The following TUSC3 variants were observed in gnomAD, a reference collection of about 807,000 sequenced individuals.
The protein encoded by TUSC3 is dolichyl-diphosphooligosaccharide--protein glycosyltransferase subunit TUSC3.
A neutral mutation model predicts 44.8 loss-of-function variants in TUSC3; 45 were observed. The ratio of observed to expected loss-of-function variants is 1.00; its 90% CI spans 0.79 to 1.29. The LOEUF (loss-of-function observed/expected upper bound fraction) is 1.29, where lower values mean the gene tolerates loss of function less well. Ranked by LOEUF, TUSC3 falls within the 50% of genes most tolerant of loss-of-function variation. TUSC3 has a pLI of 0.00. For missense variants in TUSC3, 519 were observed against 437.9 expected (o/e 1.19, Z -1.65); for synonymous variants, 212 against 152.9 (o/e 1.39, Z -2.85).
At chr8:15,680,864 T>C (rs1808398036) in intron 6 of TUSC3, among the ~76,000 whole-genome samples, 1 of 152,156 alleles carries the variant, frequency 6.6e-6, no homozygotes, top group African/African-American at 2.4e-5. Context: ...TTAATTATGT[T>C]TATGTGGTGT....
chr8:15,834,896 C>G, the TUSC3 span, among the ~76,000 whole-genome samples: 1 of 152,122 alleles, frequency 6.6e-6, no homozygotes, highest in Non-Finnish European at 1.5e-5. Context: ...CTTGCATATA[C>G]AGAGAACTGA....
At chr8:15,751,413 T>G (rs1363209063) in intron 9 of TUSC3, among the ~76,000 whole-genome samples, 1 of 152,198 alleles carries the variant, frequency 6.6e-6, no homozygotes, top group Non-Finnish European at 1.5e-5. Flanking sequence ...GTCTTTATAC[T>G]GTTCTCTTCA....
intron 2 of TUSC3, among the ~76,000 whole-genome samples, chr8:15,506,080 C>T (rs1016209971): frequency 5.3e-5 from 8 of 152,146 alleles, no homozygotes; most frequent in African/African-American, 1.7e-4. Context: ...GTAAACCTGC[C>T]TTGACGGGAG....
upstream of TUSC3, among the ~76,000 whole-genome samples, chr8:15,537,229 C>T (rs1376942192): frequency 1.3e-5 from 2 of 152,154 alleles, no homozygotes; most frequent in African/African-American, 2.4e-5. Context: ...ACATTCCTTT[C>T]CACTGATCCC....
intron 6 of TUSC3, among the ~76,000 whole-genome samples, chr8:15,710,068 G>T (rs974420068): frequency 6.6e-6 from 1 of 151,694 alleles, no homozygotes; most frequent in Admixed American, 6.6e-5. Flanking sequence ...AGTCTATACT[G>T]TTTTTTACCT....
chr8:15,643,596 T>A (rs1806485083), intron 2 of TUSC3, among the ~76,000 whole-genome samples: 1 of 152,168 alleles, frequency 6.6e-6, no homozygotes, highest in Admixed American at 6.5e-5. Context: ...ATGAAGAAAA[T>A]GGATGCACAG....
At position 15,428,268 on chromosome 8, in the gene TUSC3, C is replaced by T. The variant is rs150698494; in HGVS notation, n.91+10963C>T. Among the ~76,000 whole-genome samples the T allele has an allele frequency of 8.7e-3, 1,327 of 151,930 alleles. 19 individuals carry two copies. Among genetic ancestry groups the T allele is most frequent in the African/African-American group, 0.025 (1,037 of 41,414 alleles). On this transcript the variant is annotated intron_variant and non_coding_transcript_variant, in intron 1 of 5. Transcript: ENST00000503191. ...CTTCGCTGAGAATGATGGGTTCCAGCTTCATCGATGTCCCTACAAAGGACA... is the reference window on the plus strand; with the variant it reads ...CTTCGCTGAGAATGATGGGTTCCAGTTTCATCGATGTCCCTACAAAGGACA...
chr8:15,596,535 C>G (rs941820384), intron 1 of TUSC3, among the ~76,000 whole-genome samples: 1 of 152,106 alleles, frequency 6.6e-6, no homozygotes, highest in East Asian at 1.9e-4. Context: ...GTCCTAGAAC[C>G]AATACCCTGT....
intron 2 of TUSC3, among the ~76,000 whole-genome samples, chr8:15,644,169 TTAAG>T (rs1806514329): frequency 6.6e-6 from 1 of 151,810 alleles, no homozygotes; most frequent in Non-Finnish European, 1.5e-5. Context: ...AGCATTTAGA[TTAAG>T]TGATTTTTTT....
upstream of TUSC3, among the ~76,000 whole-genome samples, chr8:15,539,936 G>A (rs1164829061): frequency 6.6e-6 from 1 of 152,122 alleles, no homozygotes; most frequent in African/African-American, 2.4e-5. Flanking sequence ...ATCTCAATGG[G>A]AATAGAGATT....
intron 1 of TUSC3, among the ~76,000 whole-genome samples, chr8:15,444,323 C>T (rs558722537): frequency 6.6e-6 from 1 of 152,216 alleles, no homozygotes; most frequent in South Asian, 2.1e-4. Context: ...GGGACTACTG[C>T]AATGAGCTTT....
intron 1 of TUSC3, among the ~76,000 whole-genome samples, chr8:15,611,834 A>G (rs1178494366): frequency 1.3e-5 from 2 of 152,202 alleles, no homozygotes; most frequent in African/African-American, 4.8e-5. Flanking sequence ...TCTGTTAAGT[A>G]TGACATAATA....
At chr8:15,423,370 A>T (rs1178268855) in intron 1 of TUSC3, among the ~76,000 whole-genome samples, 1 of 152,198 alleles carries the variant, frequency 6.6e-6, no homozygotes. Flanking sequence ...TCTGAATGTC[A>T]AGGTCAACCT....
intron 3 of TUSC3, among the ~76,000 whole-genome samples, chr8:15,658,679 A>T: frequency 6.6e-6 from 1 of 151,360 alleles, no homozygotes; most frequent in Non-Finnish European, 1.5e-5. Flanking sequence ...ATATATACAC[A>T]TACAATATAT....
At chr8:15,506,360 G>A (rs1306535851) in intron 2 of TUSC3, among the ~76,000 whole-genome samples, 1 of 152,128 alleles carries the variant, frequency 6.6e-6, no homozygotes, top group Non-Finnish European at 1.5e-5. Context: ...CATAAAACCT[G>A]AAAACATTAC....
intron 5 of TUSC3, among the ~76,000 whole-genome samples, chr8:15,665,198 G>A (rs1411474111): frequency 6.6e-6 from 1 of 151,452 alleles, no homozygotes; most frequent in Admixed American, 6.6e-5. Context: ...ACAGTAAAAG[G>A]AAAGCTCTTA....
At chr8:15,614,591 G>T (rs190562026) in intron 1 of TUSC3, among the ~76,000 whole-genome samples, 47 of 152,228 alleles carry the variant, frequency 3.1e-4, no homozygotes. Context: ...TAATGTTCCT[G>T]AGGCTTATCC....
chr8:15,512,365 A>C (rs2129128289), intron 2 of TUSC3, among the ~76,000 whole-genome samples: 1 of 152,298 alleles, frequency 6.6e-6, no homozygotes, highest in South Asian at 2.1e-4. Flanking sequence ...CTGCCAGCTG[A>C]CTGCCTTTGG....
intron 1 of TUSC3, among the ~76,000 whole-genome samples, chr8:15,617,921 C>G (rs572300701): frequency 6.6e-6 from 1 of 152,040 alleles, no homozygotes; most frequent in Non-Finnish European, 1.5e-5. Context: ...TACTACACAC[C>G]CAGGCTGTGT....
Sources: gnomAD v4.1 joint callset for allele counts (sites outside exome capture counted in the v4.1 genomes callset) on GRCh38, gnomAD v4.1.1 for gene constraint, MANE v1.5 for transcripts, NCBI Gene and HGNC (gene_info 2026-07-23, HGNC 2026-07-21) for gene names.